Variants in RYR2 observed in about 807,000 individuals in gnomAD.
RYR2 encodes the protein ryanodine receptor 2.
Under a neutral mutation model 601.1 loss-of-function variants are expected in RYR2, and 227 were observed. The observed-to-expected ratio is 0.38, with a 90% CI of 0.34 to 0.42. The LOEUF (loss-of-function observed/expected upper bound fraction) is 0.42. RYR2 is among the 10% of genes least tolerant of loss of function. The pLI is 1.00. For synonymous variants in RYR2, 2,223 were observed against 2,175.1 expected (o/e 1.02, Z -0.61); for missense variants, 4,646 against 6,156.5 (o/e 0.75, Z 8.21).
chr1:237,385,335 G>T (rs1701883631), intron 8 of RYR2, among the ~76,000 whole-genome samples: 1 of 152,078 alleles, frequency 6.6e-6, no homozygotes, highest in Non-Finnish European at 1.5e-5. Context: ...AAAAAGTGTT[G>T]TGTGTAATGT....
chr1:237,505,035 C>T (rs1005455976), intron 22 of RYR2, among the ~76,000 whole-genome samples: 5 of 152,110 alleles, frequency 3.3e-5, no homozygotes, highest in Non-Finnish European at 2.9e-5. Flanking sequence ...TTCTTCGATA[C>T]GCTTATTTGG....
chr1:237,183,679 C>A (rs1344115491), intron 1 of RYR2, among the ~76,000 whole-genome samples: 1 of 152,158 alleles, frequency 6.6e-6, no homozygotes, highest in African/African-American at 2.4e-5. Context: ...TAAAATGTTG[C>A]AGTGGAGAGT....
At chr1:237,129,643 T>A (rs1671936677) in intron 1 of RYR2, among the ~76,000 whole-genome samples, 1 of 150,400 alleles carries the variant, frequency 6.6e-6, no homozygotes, top group Non-Finnish European at 1.5e-5. Flanking sequence ...GTGTGTAGCA[T>A]AATGATATAT....
At chr1:237,693,786 T>A (rs1687153735) in intron 63 of RYR2, among the ~76,000 whole-genome samples, 1 of 152,200 alleles carries the variant, frequency 6.6e-6, no homozygotes, top group African/African-American at 2.4e-5. Context: ...AATAAAGTAA[T>A]ACAATGGAGC....
intron 1 of RYR2, among the ~76,000 whole-genome samples, chr1:237,251,060 GTGTA>G (rs71180012): frequency 0.3 from 43,383 of 143,982 alleles, 6,477 homozygotes; most frequent in Non-Finnish European, 0.35. Context: ...GTGTGTGTGT[GTGTA>G]TGCATATAGA....
chr1:237,112,263 A>G (rs1195188601), intron 1 of RYR2, among the ~76,000 whole-genome samples: 1 of 152,046 alleles, frequency 6.6e-6, no homozygotes, highest in Non-Finnish European at 1.5e-5. Context: ...ACAAGCGTCC[A>G]CCACCACGCC....
At chr1:237,453,782 A>G (rs1014731036) in intron 14 of RYR2, among the ~76,000 whole-genome samples, 4 of 152,212 alleles carry the variant, frequency 2.6e-5, no homozygotes, top group Admixed American at 2.6e-4. Context: ...ACACATTTAC[A>G]TGCCAGTAAT....
At chr1:237,522,939 T>C (rs756236830) in intron 24 of RYR2, among the ~76,000 whole-genome samples, 3 of 152,082 alleles carry the variant, frequency 2.0e-5, no homozygotes, top group Admixed American at 1.3e-4. Flanking sequence ...TTCTATCAGC[T>C]TTGCAGTTCC....
In RYR2 at chr1:237,427,782, C is replaced by CAAAA. The variant is rs57614793; in HGVS notation, c.1005+4561_1005+4564dup. Among the ~76,000 whole-genome samples the CAAAA allele has an allele frequency of 7.1e-4, 40 of 56,214 alleles. 1 individual carries two copies. Among genetic ancestry groups the CAAAA allele is most frequent in the Admixed American group, 1.8e-3 (6 of 3,420 alleles). The allele number at this position is 56,214 out of a possible 152,430, so 36.9% of individuals were successfully genotyped here. ...TGGGCAACAGAGCAAGACTCTGCCT[C>CAAAA]AAAAAAAAAAAAAAAAAAAAAAAAA... is the stretch of plus-strand genomic sequence containing the variant. On this transcript the variant is annotated intron_variant, in intron 12 of 104. Coordinates refer to ENST00000366574, the MANE Select transcript of RYR2 (RefSeq NM_001035.3).
chr1:237,349,723 A>C (rs1698596211), intron 3 of RYR2, among the ~76,000 whole-genome samples: 1 of 152,218 alleles, frequency 6.6e-6, no homozygotes, highest in African/African-American at 2.4e-5. Flanking sequence ...GAAGATTATT[A>C]AATGTCATGG....
At chr1:237,343,829 T>TG (rs901280251) in intron 3 of RYR2, among the ~76,000 whole-genome samples, 1 of 151,486 alleles carries the variant, frequency 6.6e-6, no homozygotes, top group African/African-American at 2.4e-5. Flanking sequence ...TTGTTTTTTT[T>TG]TTTTTTTTGA....
intron 51 of RYR2, among the ~76,000 whole-genome samples, chr1:237,652,967 CT>C (rs1480161325): frequency 2.0e-5 from 3 of 152,018 alleles, no homozygotes; most frequent in Non-Finnish European, 4.4e-5. Context: ...AACAGTAATT[CT>C]TATAATTTAT....
intron 1 of RYR2, among the ~76,000 whole-genome samples, chr1:237,081,280 T>TTAAAAAAA (rs1553284184): frequency 1.8e-5 from 1 of 56,258 alleles, no homozygotes; most frequent in African/African-American, 4.7e-5. Flanking sequence ...TAGAGTATAA[T>TTAAAAAAA]AAAAAAAAAA....
chr1:237,278,937 T>G (rs1690572952), intron 2 of RYR2, among the ~76,000 whole-genome samples: 1 of 152,236 alleles, frequency 6.6e-6, no homozygotes, highest in Non-Finnish European at 1.5e-5. Context: ...AATGTTCCTT[T>G]GATAATATTT....
chr1:237,628,447 ACCT>A (rs1284586845), intron 41 of RYR2, among the ~76,000 whole-genome samples: 2 of 141,478 alleles, frequency 1.4e-5, no homozygotes, highest in Non-Finnish European at 3.0e-5. Flanking sequence ...TTCAATTCCC[ACCT>A]ATGAGTGAGA....
chr1:237,268,828 C>T (rs1448632437), intron 1 of RYR2, among the ~76,000 whole-genome samples: 7 of 142,002 alleles, frequency 4.9e-5, no homozygotes, highest in Non-Finnish European at 7.6e-5. Context: ...CCCAGCTACT[C>T]GGGAGGCTGA....
intron 40 of RYR2, among the ~76,000 whole-genome samples, chr1:237,626,425 CT>C (rs779067700): frequency 6.6e-6 from 1 of 151,888 alleles, no homozygotes; most frequent in Non-Finnish European, 1.5e-5. Context: ...CTTACGAAAA[CT>C]TTTACAGCAC....
chr1:237,250,821 CAT>C (rs1281181172), intron 1 of RYR2, among the ~76,000 whole-genome samples: 3 of 152,160 alleles, frequency 2.0e-5, no homozygotes, highest in African/African-American at 7.2e-5. Context: ...AGCATGTAAA[CAT>C]GTGATCATAT....
At chr1:237,252,574 TCA>T (rs1288722531) in intron 1 of RYR2, among the ~76,000 whole-genome samples, 2 of 152,340 alleles carry the variant, frequency 1.3e-5, no homozygotes, top group South Asian at 2.1e-4. Context: ...TCTGTCTCAT[TCA>T]CAGTCTTATG....
Sources: allele counts gnomAD v4.1 joint callset (sites outside exome capture counted in the v4.1 genomes callset), GRCh38; gene constraint gnomAD v4.1.1; transcripts MANE v1.5; gene names NCBI Gene and HGNC (gene_info 2026-07-23, HGNC 2026-07-21).